The following SV2C variants were observed in gnomAD, a reference collection of about 807,000 sequenced individuals.
The protein encoded by SV2C is synaptic vesicle glycoprotein 2C, also known as solute carrier family 22 member B3.
Under a neutral mutation model 79.7 loss-of-function variants are expected in SV2C, and 49 were observed. That is an observed-to-expected ratio of 0.61 (90% CI 0.49 to 0.78). The LOEUF (loss-of-function observed/expected upper bound fraction) is 0.78, where lower values mean the gene tolerates loss of function less well. SV2C is among the 30% of genes least tolerant of loss of function. The pLI is 0.00. For synonymous variants in SV2C, 334 were observed against 333.2 expected (o/e 1.00, Z -0.03); for missense variants, 833 against 912.9 (o/e 0.91, Z 1.13).
the SV2C span, among the ~76,000 whole-genome samples, chr5:76,051,853 T>C: frequency 6.6e-6 from 1 of 152,184 alleles, no homozygotes; most frequent in Non-Finnish European, 1.5e-5. Flanking sequence ...ATATTTACTT[T>C]TCATATTAGA....
rs937828047 is a variant in SV2C at position 76,191,363 on chromosome 5, T to A, written c.581-3556T>A. 2.6e-5 allele frequency among the ~76,000 whole-genome samples: 4 copies of A among 152,204 alleles called. No homozygotes were observed. In the East Asian group the frequency reaches 7.7e-4, roughly 29 times the overall value. On this transcript the variant is annotated intron_variant, in intron 2 of 12. Transcript: ENST00000502798. ...GTGAATTCGGAATACTAATACAGAA[T>A]GTTTTTCATTGAAAATCAGTTTATA...
chr5:75,889,335 A>G, the SV2C span, among the ~76,000 whole-genome samples: 3 of 150,998 alleles, frequency 2.0e-5, no homozygotes, highest in African/African-American at 7.3e-5. Flanking sequence ...CCACTTATGA[A>G]TGAGAACATG....
In SV2C at chr5:76,131,765, C is replaced by T; in HGVS notation, c.15C>T (p.Tyr5=). The change falls in exon 2 of 13, where the codon TAC becomes TAT. Residue 5 remains tyrosine (Y), a synonymous_variant. Transcript: ENST00000502798. MEDS[Y]KDRTSLMKGA... is the part of the protein sequence containing the mutation. ...GTTGAGATAAGATGGAAGACTCTTA[C>T]AAGGATAGGACTTCACTGATGAAGG... 1.2e-6 allele frequency: 2 copies of T among 1,606,308 alleles called. No homozygotes were observed. The highest frequency in any genetic ancestry group is 1.7e-6 in the Non-Finnish European group (2 of 1,175,726).
the SV2C span, among the ~76,000 whole-genome samples, chr5:75,987,698 AAAGTAG>A: frequency 1.3e-5 from 2 of 152,090 alleles, no homozygotes; most frequent in Non-Finnish European, 2.9e-5. Context: ...TCATAAAATA[AAAGTAG>A]GTTTGTTGTT....
chr5:76,159,039 C>G (rs1286159043), intron 2 of SV2C, among the ~76,000 whole-genome samples: 1 of 151,980 alleles, frequency 6.6e-6, no homozygotes, highest in Non-Finnish European at 1.5e-5. Flanking sequence ...AAAACAAAAC[C>G]ATGATCATCT....
rs763925349 is a variant in SV2C, at chr5:76,195,104, G to A, written c.761+5G>A. The A allele has an allele frequency of 6.6e-5, 106 of 1,610,994 alleles. No homozygotes were observed. Among genetic ancestry groups the A allele is most frequent in the Non-Finnish European group, 8.6e-5 (101 of 1,179,212 alleles). On this transcript the variant is annotated splice_donor_5th_base_variant and intron_variant, in intron 3 of 12. Transcript: ENST00000502798. ...TCGCTTACTTTCTGGATTCGGGTAA[G>A]GTTTTCTCCTTCATATTTTATAGTA...
chr5:76,182,009 A>G (rs1743750361), intron 2 of SV2C, among the ~76,000 whole-genome samples: 1 of 152,178 alleles, frequency 6.6e-6, no homozygotes, highest in Non-Finnish European at 1.5e-5. Flanking sequence ...CTCCTACGTT[A>G]GACCTTCTCC....
At chr5:76,258,178 A>G (rs1261159607) in intron 4 of SV2C, among the ~76,000 whole-genome samples, 1 of 151,400 alleles carries the variant, frequency 6.6e-6, no homozygotes, top group African/African-American at 2.4e-5. Context: ...TTGGAGGTGA[A>G]GTACTCTTTC....
chr5:76,310,834 A>G (rs1748412529), intron 12 of SV2C, among the ~76,000 whole-genome samples: 1 of 152,210 alleles, frequency 6.6e-6, no homozygotes, highest in Admixed American at 6.5e-5. Context: ...TGGACTAAGA[A>G]ATAACAGACA....
chr5:76,059,648 C>T, the SV2C span, among the ~76,000 whole-genome samples: 2 of 152,048 alleles, frequency 1.3e-5, no homozygotes, highest in East Asian at 1.9e-4. Flanking sequence ...ATTGAAGTCT[C>T]GAACCTCTCA....
rs767158602 is a variant in SV2C at position 76,209,801 on chromosome 5, G to C, written c.827G>C (p.Gly276Ala). ...FAEVLAREKRGEHLSWLCMFW... is the reference protein window; with the variant it reads ...FAEVLAREKRAEHLSWLCMFW... ...GAAGTCCTGGCCCGGGAAAAGCGGGGCGAACACTTGAGCTGGCTCTGCATG... is the reference window on the plus strand; with the variant it reads ...GAAGTCCTGGCCCGGGAAAAGCGGGCCGAACACTTGAGCTGGCTCTGCATG... The change falls in exon 4 of 13, where the codon GGC becomes GCC. Residue 276 changes from glycine to alanine, a missense_variant. Coordinates refer to ENST00000502798, the MANE Select transcript of SV2C (RefSeq NM_014979.4). The C allele has an allele frequency of 1.2e-6, 2 of 1,614,102 alleles. No homozygotes were observed. Among genetic ancestry groups the C allele is most frequent in the African/African-American group, 2.7e-5 (2 of 74,942 alleles).
At chr5:76,049,324 GAAA>G in the SV2C span, among the ~76,000 whole-genome samples, 1 of 107,032 alleles carries the variant, frequency 9.3e-6, no homozygotes. Context: ...GTGACAGAGC[GAAA>G]AAAAAAAAAA....
At chr5:76,061,118 A>G in the SV2C span, among the ~76,000 whole-genome samples, 1 of 151,962 alleles carries the variant, frequency 6.6e-6, no homozygotes, top group East Asian at 1.9e-4. Flanking sequence ...CTGATCACAG[A>G]TCACTATAAC....
At chr5:76,227,986 G>A (rs1030802520) in intron 4 of SV2C, among the ~76,000 whole-genome samples, 1 of 152,182 alleles carries the variant, frequency 6.6e-6, no homozygotes, top group Non-Finnish European at 1.5e-5. Flanking sequence ...TTTTATCATT[G>A]CTAAGCTACT....
chr5:76,012,513 T>A, the SV2C span, among the ~76,000 whole-genome samples: 2 of 152,248 alleles, frequency 1.3e-5, no homozygotes, highest in Non-Finnish European at 2.9e-5. Flanking sequence ...TAACCCTTTG[T>A]CAGATGGATG....
chr5:76,200,713 C>T lies in SV2C; in HGVS notation c.761+5614C>T, dbSNP rs548701181. Among the ~76,000 whole-genome samples, 12 of 152,276 alleles carry T rather than the reference C, an allele frequency of 7.9e-5. No homozygotes were observed. In the East Asian group the frequency reaches 2.3e-3, roughly 29 times the overall value. On this transcript the variant is annotated intron_variant, in intron 3 of 12. Coordinates refer to ENST00000502798, the MANE Select transcript of SV2C (RefSeq NM_014979.4). ...GGAATGCAGTGGTGCGATCATGGCT[C>T]ACTGCAGCCTTGACCTCCTGGGCTC...
At chr5:75,969,934 C>T in the SV2C span, among the ~76,000 whole-genome samples, 1 of 152,064 alleles carries the variant, frequency 6.6e-6, no homozygotes, top group African/African-American at 2.4e-5. Flanking sequence ...TAAAGCACTC[C>T]TCAGCAAACG....
rs575510423 is a variant in SV2C at position 76,329,994 on chromosome 5, C to A, written c.*4447C>A. 8 of 151,642 alleles carry A rather than the reference C, an allele frequency of 5.3e-5. No individual in the cohort carries two copies. In the South Asian group the frequency reaches 1.7e-3, roughly 32 times the overall value. The allele number at this position is 151,642 out of a possible 1,614,324, so 9.4% of individuals were successfully genotyped here. ...ACTCTGAAGTGGACTATATGTTTCT[C>A]ACAGTTTTTGTTTATGCTCAGCAAA... On this transcript the variant is annotated 3_prime_UTR_variant, in exon 13 of 13. Transcript: ENST00000502798.
intron 4 of SV2C, among the ~76,000 whole-genome samples, chr5:76,223,109 TG>T (rs1307598713): frequency 6.6e-6 from 1 of 152,070 alleles, no homozygotes; most frequent in East Asian, 1.9e-4. Context: ...CACAGCCCCT[TG>T]CCAAGCATTC....
Sources: gnomAD v4.1 joint callset for allele counts (sites outside exome capture counted in the v4.1 genomes callset) on GRCh38, gnomAD v4.1.1 for gene constraint, MANE v1.5 for transcripts, NCBI Gene and HGNC (gene_info 2026-07-23, HGNC 2026-07-21) for gene names.